Variants in NRK observed in about 807,000 individuals in gnomAD.
The protein encoded by NRK is nik-related protein kinase.
NRK carries 67 observed loss-of-function variants against 125.2 expected under a neutral mutation model. That is an observed-to-expected ratio of 0.54 (90% CI 0.44 to 0.66). NRK has a LOEUF of 0.66. NRK is among the 30% of genes least tolerant of loss of function. The probability of loss-of-function intolerance (pLI) is 0.00; values close to 1 mark genes in which losing one functional copy is unlikely to be tolerated. For missense variants in NRK, 1,224 were observed against 1,192.9 expected (o/e 1.03, Z -0.38); for synonymous variants, 458 against 429.0 (o/e 1.07, Z -0.84).
intron 23 of NRK, among the ~76,000 whole-genome samples, chrX:105,940,971 G>A (rs1027464208): frequency 7.2e-5 from 8 of 111,649 alleles, no homozygotes; most frequent in Admixed American, 5.7e-4. Flanking sequence ...ACTAAAGAGG[G>A]AAATGAGTAC....
intron 2 of NRK, among the ~76,000 whole-genome samples, chrX:105,851,574 A>G (rs1437273486): frequency 8.9e-6 from 1 of 112,229 alleles, no homozygotes; most frequent in Non-Finnish European, 1.9e-5. Flanking sequence ...ATACTTTAGC[A>G]CAGATAAGAG....
intron 26 of NRK, 29 bp downstream of exon 26, chrX:105,946,493 AT>A (rs1214419804): frequency 9.4e-7 from 1 of 1,066,412 alleles, no homozygotes; most frequent in Non-Finnish European, 1.3e-6. Context: ...ATTCCTAGAA[AT>A]TATTGTATAC....
rs1225124676 is a variant in NRK, at chrX:105,826,254, A to T, written c.57+3352A>T. ...ATTATCATATATAATATATATGATA[A>T]TATATATTTCATATATAATATATAT... On this transcript the variant is annotated intron_variant, in intron 1 of 28. Coordinates refer to ENST00000243300, the MANE Select transcript of NRK (RefSeq NM_198465.4). Among the ~76,000 whole-genome samples, 3 of 82,482 alleles carry T rather than the reference A, an allele frequency of 3.6e-5. No homozygotes were observed. The East Asian group carries it at 1.0e-3, about 28-fold the overall frequency. The allele number at this position is 82,482 out of a possible 115,157, so 71.6% of individuals were successfully genotyped here.
chrX:105,878,792 G>C (rs182757851), intron 2 of NRK, among the ~76,000 whole-genome samples: 16 of 111,403 alleles, frequency 1.4e-4, no homozygotes, highest in African/African-American at 5.2e-4. Flanking sequence ...TTGATTACTA[G>C]TCTCTGAACC....
chrX:105,869,949 T>C (rs2039721770), intron 2 of NRK, among the ~76,000 whole-genome samples: 1 of 109,865 alleles, frequency 9.1e-6, no homozygotes, highest in Non-Finnish European at 1.9e-5. Flanking sequence ...TAAAGCACTA[T>C]CTGCTGTATG....
intron 1 of NRK, among the ~76,000 whole-genome samples, chrX:105,828,138 T>G (rs1376922904): frequency 8.9e-6 from 1 of 112,088 alleles, no homozygotes; most frequent in Non-Finnish European, 1.9e-5. Flanking sequence ...ATTTAACGTT[T>G]AGTCTTGAAA....
At chrX:105,865,990 T>C (rs1420185637) in intron 2 of NRK, among the ~76,000 whole-genome samples, 14 of 94,353 alleles carry the variant, frequency 1.5e-4, no homozygotes, top group Admixed American at 5.7e-4. Flanking sequence ...AGAATGTAAG[T>C]CAGGTGCATA....
intron 5 of NRK, among the ~76,000 whole-genome samples, chrX:105,888,834 C>A (rs1032263357): frequency 1.8e-5 from 2 of 110,887 alleles, no homozygotes; most frequent in African/African-American, 6.6e-5. Context: ...GAAAGACCGG[C>A]CCCCATGATT....
At chrX:105,858,022 C>T in intron 2 of NRK, among the ~76,000 whole-genome samples, 1 of 111,269 alleles carries the variant, frequency 9.0e-6, no homozygotes, top group Non-Finnish European at 1.9e-5. Flanking sequence ...TCCTACTGTT[C>T]TCTTCTCTAT....
At position 105,822,659 on chromosome X, in the gene NRK, C is replaced by T; in HGVS notation, c.-187C>T. The T allele has an allele frequency of 2.1e-6, 1 of 487,665 alleles. No individual in the cohort carries two copies. Among genetic ancestry groups the T allele is most frequent in the Non-Finnish European group, 3.6e-6 (1 of 279,641 alleles). 40.2% of individuals were successfully genotyped at this position (487,665 alleles called of 1,213,427 possible). ...CCGCCTCGCAAACTCCGGTTTCCCTCCACTCCCAACTCTTTTCACTACACG... is the reference window on the plus strand; with the variant it reads ...CCGCCTCGCAAACTCCGGTTTCCCTTCACTCCCAACTCTTTTCACTACACG... On this transcript the variant is annotated 5_prime_UTR_variant, in exon 1 of 29. Transcript: ENST00000243300.
At chrX:105,861,432 A>G (rs1252171753) in intron 2 of NRK, among the ~76,000 whole-genome samples, 1 of 112,341 alleles carries the variant, frequency 8.9e-6, no homozygotes, top group Non-Finnish European at 1.9e-5. Context: ...AATATCATAT[A>G]TAAGAAATCA....
At chrX:105,923,928 T>TATATATATATA (rs2040489298) in intron 18 of NRK, among the ~76,000 whole-genome samples, 1 of 78,917 alleles carries the variant, frequency 1.3e-5, no homozygotes, top group Non-Finnish European at 2.1e-5. Flanking sequence ...TATATATATG[T>TATATATATATA]GAAATTTAAG....
chrX:105,827,111 T>C (rs190811222), intron 1 of NRK, among the ~76,000 whole-genome samples: 2 of 111,868 alleles, frequency 1.8e-5, no homozygotes. Flanking sequence ...CTGGGCTGGA[T>C]GAAGAGATTT....
intron 2 of NRK, among the ~76,000 whole-genome samples, chrX:105,876,951 G>A (rs1355817987): frequency 1.8e-5 from 2 of 111,436 alleles, no homozygotes; most frequent in African/African-American, 3.3e-5. Flanking sequence ...TCTTCAAAAC[G>A]AACATCAGTC....
intron 1 of NRK, among the ~76,000 whole-genome samples, chrX:105,825,549 A>G (rs1308308247): frequency 8.9e-6 from 1 of 112,567 alleles, no homozygotes; most frequent in Non-Finnish European, 1.9e-5. Flanking sequence ...GAGGGAGGAT[A>G]GACTTGCTTT....
intron 2 of NRK, among the ~76,000 whole-genome samples, chrX:105,875,555 ATAAT>A (rs2039803618): frequency 9.0e-6 from 1 of 111,305 alleles, no homozygotes; most frequent in Non-Finnish European, 1.9e-5. Context: ...GACTTAATAA[ATAAT>A]TTTTATACCT....
chrX:105,845,298 T>C (rs888156475), intron 2 of NRK, among the ~76,000 whole-genome samples: 1 of 111,734 alleles, frequency 8.9e-6, no homozygotes, highest in African/African-American at 3.3e-5. Context: ...GAATCAAACT[T>C]TGTTGGTTAA....
chrX:105,901,058 A>G (rs1276101203), intron 9 of NRK, among the ~76,000 whole-genome samples: 1 of 110,896 alleles, frequency 9.0e-6, no homozygotes, highest in Non-Finnish European at 1.9e-5. Context: ...CAGAACATTT[A>G]CAGTCACACA....
intron 9 of NRK, among the ~76,000 whole-genome samples, chrX:105,903,097 G>T (rs1426008888): frequency 9.0e-6 from 1 of 111,175 alleles, no homozygotes; most frequent in East Asian, 2.8e-4. Context: ...AATAGATGTG[G>T]TTTTTAGTCT....
Sources: allele counts gnomAD v4.1 joint callset (sites outside exome capture counted in the v4.1 genomes callset), GRCh38; gene constraint gnomAD v4.1.1; transcripts MANE v1.5; gene names NCBI Gene and HGNC (gene_info 2026-07-23, HGNC 2026-07-21).